The following BRAF variants were observed in gnomAD, a reference collection of about 807,000 sequenced individuals.
BRAF encodes serine/threonine-protein kinase B-raf.
In BRAF, 16 loss-of-function variants were observed where a neutral mutation model predicts 104.6. The observed-to-expected ratio is 0.15, with a 90% CI of 0.10 to 0.23. The LOEUF is 0.23. Among genes scored for constraint, BRAF ranks in the 10% least tolerant of loss-of-function variants. The probability of loss-of-function intolerance (pLI) is 1.00; values close to 1 mark genes in which losing one functional copy is unlikely to be tolerated. For synonymous variants in BRAF, 310 were observed against 341.6 expected (o/e 0.91, Z 1.02); for missense variants, 541 against 937.3 (o/e 0.58, Z 5.52).
At chr7:140,876,363 A>C (rs1812268072) in intron 1 of BRAF, among the ~76,000 whole-genome samples, 1 of 152,224 alleles carries the variant, frequency 6.6e-6, no homozygotes, top group South Asian at 2.1e-4. Flanking sequence ...CAGAATGGCT[A>C]AAAGTTGTTC....
intron 16 of BRAF, among the ~76,000 whole-genome samples, chr7:140,751,520 G>GA (rs1441887977): frequency 2.0e-5 from 3 of 151,890 alleles, no homozygotes; most frequent in African/African-American, 4.8e-5. Flanking sequence ...TTAAATAATG[G>GA]AAAAAATCTA....
chr7:140,900,764 T>C (rs1815528665), intron 1 of BRAF, among the ~76,000 whole-genome samples: 1 of 152,098 alleles, frequency 6.6e-6, no homozygotes, highest in South Asian at 2.1e-4. Context: ...GCGTGCACCA[T>C]CACAGCCAGC....
chr7:140,838,581 AT>A (rs963627394), intron 2 of BRAF, among the ~76,000 whole-genome samples: 1 of 151,558 alleles, frequency 6.6e-6, no homozygotes, highest in Non-Finnish European at 1.5e-5. Context: ...CAAAATCTCA[AT>A]TTTTTTTTGT....
At position 140,725,699 on chromosome 7, in the gene BRAF, G is replaced by GAA. The variant is rs34603310; in HGVS notation, c.*793_*794dup. On this transcript the variant is annotated 3_prime_UTR_variant, in exon 20 of 20. Coordinates refer to ENST00000644969, the MANE Select transcript of BRAF (RefSeq NM_001374258.1). ...CCTGAGAATTTGCTACATTGTGGAG[G>GAA]AAAAAAAAAAAACCCAAACACTTAT... is the stretch of plus-strand genomic sequence containing the variant. 1,590 of 887,658 alleles carry GAA rather than the reference G, an allele frequency of 1.8e-3. 2 individuals are homozygous for GAA. Among genetic ancestry groups the GAA allele is most frequent in the African/African-American group, 0.014 (783 of 55,916 alleles). The allele number at this position is 887,658 out of a possible 1,614,324, so 55.0% of individuals were successfully genotyped here.
intron 1 of BRAF, among the ~76,000 whole-genome samples, chr7:140,869,762 G>A (rs764586900): frequency 1.7e-4 from 26 of 152,130 alleles, no homozygotes; most frequent in Non-Finnish European, 3.7e-4. Context: ...TCAGTTATCT[G>A]CATTGTTGGT....
At chr7:140,733,441 T>C (rs527628426) in intron 19 of BRAF, 1 of 152,340 alleles carries the variant, frequency 6.6e-6, no homozygotes, top group African/African-American at 2.4e-5. Flanking sequence ...CCACGTGCTG[T>C]TGCTTTCTAC....
Position 140,924,484 on chromosome 7 carries a change from A to C in BRAF, c.138+82T>G, listed in dbSNP as rs1016175987. ...AGGTGGCTGAGGGCATCAAGCCCCC[A>C]CCGCCGCCTCTTTCCAAAATAAACA... On this transcript the variant is annotated intron_variant, in intron 1 of 19. Coordinates refer to ENST00000644969, the MANE Select transcript of BRAF (RefSeq NM_001374258.1). This position sits in a 1 kb window ranked among gnomAD's most constrained non-coding sequence, Gnocchi z 4.2. 17 of 1,523,992 alleles carry C rather than the reference A, an allele frequency of 1.1e-5. No homozygotes were observed. Among genetic ancestry groups the C allele is most frequent in the Middle Eastern group, 2.1e-4 (1 of 4,778 alleles). The allele number at this position is 1,523,992 out of a possible 1,614,324, so 94.4% of individuals were successfully genotyped here.
chr7:140,736,134 G>C (rs1357150175), intron 18 of BRAF, among the ~76,000 whole-genome samples: 2 of 146,908 alleles, frequency 1.4e-5, no homozygotes, highest in East Asian at 4.1e-4. Context: ...GCAGTGGCGC[G>C]ATCTCAGCTC....
At chr7:140,762,042 A>T (rs1798791266) in intron 14 of BRAF, among the ~76,000 whole-genome samples, 1 of 152,218 alleles carries the variant, frequency 6.6e-6, no homozygotes, top group Non-Finnish European at 1.5e-5. Flanking sequence ...AGGGGACCTA[A>T]TAGACATCTA....
chr7:140,849,006 C>A (rs183380568), intron 2 of BRAF, among the ~76,000 whole-genome samples: 14 of 152,330 alleles, frequency 9.2e-5, no homozygotes, highest in African/African-American at 2.6e-4. Flanking sequence ...AGAAGTCTTT[C>A]AATCTGTGCT....
chr7:140,835,826 T>C (rs1436041617), intron 2 of BRAF: 1 of 152,214 alleles, frequency 6.6e-6, no homozygotes, highest in Non-Finnish European at 1.5e-5. Context: ...TATTTCTACC[T>C]ACCATCTCAA....
chr7:140,868,476 CA>C (rs1362716456), intron 1 of BRAF, among the ~76,000 whole-genome samples: 1 of 151,742 alleles, frequency 6.6e-6, no homozygotes, highest in African/African-American at 2.4e-5. Flanking sequence ...GAAGCAGTCA[CA>C]AAAAACCACA....
Position 140,721,634 on chromosome 7 carries a change from C to A in BRAF, c.*4860G>T. On this transcript the variant is annotated 3_prime_UTR_variant, in exon 20 of 20. Coordinates refer to ENST00000644969, the MANE Select transcript of BRAF (RefSeq NM_001374258.1). ...CAAATCATCACCTGAGGCAGAGATGCTACTACCCTCTTCTGGGGCTCAACT... is the reference window on the plus strand; with the variant it reads ...CAAATCATCACCTGAGGCAGAGATGATACTACCCTCTTCTGGGGCTCAACT... 6.5e-7 allele frequency: 1 copy of A among 1,535,936 alleles called. No individual in the cohort carries two copies. Among genetic ancestry groups the A allele is most frequent in the South Asian group, 1.2e-5 (1 of 83,936 alleles).
intron 15 of BRAF, chr7:140,753,697 C>G: frequency 3.1e-6 from 1 of 319,634 alleles, no homozygotes; most frequent in Non-Finnish European, 5.9e-6. Context: ...CAATGTAGGC[C>G]CAGATATTCT....
intron 1 of BRAF, among the ~76,000 whole-genome samples, chr7:140,868,148 T>C (rs576703995): frequency 6.6e-6 from 1 of 152,298 alleles, no homozygotes; most frequent in East Asian, 1.9e-4. Flanking sequence ...CAGTGCAGAA[T>C]ATAGTGTGCT....
Position 140,825,311 on chromosome 7 carries a change from C to G in BRAF, c.504+9298G>C, listed in dbSNP as rs551581433. Among the ~76,000 whole-genome samples, 4 of 152,236 alleles carry G rather than the reference C, an allele frequency of 2.6e-5. No individual in the cohort carries two copies. The East Asian group carries it at 7.7e-4, about 29-fold the overall frequency. ...GAGCTTTCAGAGTTCTTTATATATT[C>G]TACATGTCCTTGATCAGATACATGG... On this transcript the variant is annotated intron_variant, in intron 3 of 19. Transcript: ENST00000644969.
intron 1 of BRAF, among the ~76,000 whole-genome samples, chr7:140,910,770 C>T (rs1311761502): frequency 6.6e-6 from 1 of 152,078 alleles, no homozygotes; most frequent in Non-Finnish European, 1.5e-5. Context: ...GAACTGGGTT[C>T]AAGCAATCCT....
At chr7:140,914,899 G>C (rs1475084155) in intron 1 of BRAF, among the ~76,000 whole-genome samples, 1 of 145,694 alleles carries the variant, frequency 6.9e-6, no homozygotes, top group Admixed American at 7.1e-5. Flanking sequence ...AATTAGCCGG[G>C]CATGGTGGCA....
chr7:140,859,132 G>C (rs749232746), intron 1 of BRAF, among the ~76,000 whole-genome samples: 1 of 152,188 alleles, frequency 6.6e-6, no homozygotes, highest in Non-Finnish European at 1.5e-5. Context: ...CAAAACTTTT[G>C]TGACGGAAAC....
Sources: allele counts gnomAD v4.1 joint callset (sites outside exome capture counted in the v4.1 genomes callset), GRCh38; gene constraint gnomAD v4.1.1; non-coding constraint Gnocchi (gnomAD v3.1); transcripts MANE v1.5; gene names NCBI Gene and HGNC (gene_info 2026-07-23, HGNC 2026-07-21).